Variants in ATAD2 observed in about 807,000 individuals in gnomAD.
ATAD2 encodes ATPase family AAA domain-containing protein 2.
A neutral mutation model predicts 168.9 loss-of-function variants in ATAD2; 62 were observed. The observed-to-expected ratio is 0.37, with a 90% CI of 0.30 to 0.45. The LOEUF (loss-of-function observed/expected upper bound fraction) is 0.45, where lower values mean the gene tolerates loss of function less well. Among genes scored for constraint, ATAD2 ranks in the 20% least tolerant of loss-of-function variants. The probability of loss-of-function intolerance (pLI) is 1.00; values close to 1 mark genes in which losing one functional copy is unlikely to be tolerated. For missense variants in ATAD2, 1,419 were observed against 1,667.8 expected, an observed-to-expected ratio of 0.85 and a Z score of 2.60; for synonymous variants, 613 against 571.6, an observed-to-expected ratio of 1.07 and a Z score of -1.03.
At position 123,369,292 on chromosome 8, in the gene ATAD2, C is replaced by T. The variant is rs577075318; in HGVS notation, c.932-117G>A. The T allele has an allele frequency of 3.7e-5, 10 of 272,400 alleles. No homozygotes were observed. In the East Asian group the frequency reaches 8.8e-4, roughly 24 times the overall value. 16.9% of individuals were successfully genotyped at this position (272,400 alleles called of 1,614,324 possible). A position where few individuals can be genotyped will look rare whatever the true frequency, so the allele number is the denominator to read the frequency against. On this transcript the variant is annotated intron_variant, in intron 7 of 27. Coordinates refer to ENST00000287394, the MANE Select transcript of ATAD2 (RefSeq NM_014109.4). ...ACTTACAAAGGTGCTTATCGCCTTC[C>T]ATGAAGTACTAGTAAATATCTACTA...
At chr8:123,415,036 A>G (rs1237008431) in intron 1 of ATAD2, among the ~76,000 whole-genome samples, 1 of 151,906 alleles carries the variant, frequency 6.6e-6, no homozygotes, top group African/African-American at 2.4e-5. Flanking sequence ...TTCTGTTTTG[A>G]TGTGTTTCCA....
chr8:123,360,420 C>T (rs1563849917), intron 9 of ATAD2, among the ~76,000 whole-genome samples: 1 of 151,988 alleles, frequency 6.6e-6, no homozygotes. Context: ...CGGCTCGCTG[C>T]AATCTTCGCC....
chr8:123,366,226 T>A (rs1401648782), intron 8 of ATAD2, among the ~76,000 whole-genome samples: 2 of 152,168 alleles, frequency 1.3e-5, no homozygotes, highest in African/African-American at 4.8e-5. Context: ...TGATACCACC[T>A]TACCCCCGCA....
upstream of ATAD2, chr8:123,400,599 G>C (rs138248297): frequency 2.4e-3 from 1,362 of 575,958 alleles, 18 homozygotes; most frequent in African/African-American, 0.023. This position sits in a 1 kb window ranked among gnomAD's most constrained non-coding sequence, Gnocchi z 4.5. Context: ...TGATGAGCCA[G>C]GGCACCGGCT....
chr8:123,395,765 C>A (rs1209681687), intron 1 of ATAD2, among the ~76,000 whole-genome samples: 1 of 151,980 alleles, frequency 6.6e-6, no homozygotes, highest in East Asian at 1.9e-4. Flanking sequence ...TGTGCCCCCT[C>A]CCCCCCAACG....
At position 123,369,385 on chromosome 8, in the gene ATAD2, G is replaced by T. The variant is rs192996214; in HGVS notation, c.932-210C>A. The T allele has an allele frequency of 2.2e-4, 47 of 217,256 alleles. 1 individual carries two copies. Among genetic ancestry groups the T allele is most frequent in the Admixed American group, 2.1e-3 (40 of 19,446 alleles). The allele number at this position is 217,256 out of a possible 1,614,324, so 13.5% of individuals were successfully genotyped here. A position where few individuals can be genotyped will look rare whatever the true frequency, so the allele number is the denominator to read the frequency against. On this transcript the variant is annotated intron_variant, in intron 7 of 27. Coordinates refer to ENST00000287394, the MANE Select transcript of ATAD2 (RefSeq NM_014109.4). ...AGGGTTGCAGCTGATAACATGTATA[G>T]CACAGATACCAACCAACCAAAACAC...
At position 123,396,416 on chromosome 8, in the gene ATAD2, C is replaced by A; in HGVS notation, c.-59G>T. On this transcript the variant is annotated 5_prime_UTR_variant, in exon 1 of 28. Coordinates refer to ENST00000287394, the MANE Select transcript of ATAD2 (RefSeq NM_014109.4). ...GGAGAGAGATCCAGCTCCAGGCGCTCGCAGCTCTGGCTCTTCCGCGCTCCG... is the reference window on the plus strand; with the variant it reads ...GGAGAGAGATCCAGCTCCAGGCGCTAGCAGCTCTGGCTCTTCCGCGCTCCG... 1 of 1,454,176 alleles carries A rather than the reference C, an allele frequency of 6.9e-7. No homozygotes were observed. The highest frequency in any genetic ancestry group is 1.4e-5 in the South Asian group (1 of 73,316). 90.1% of individuals were successfully genotyped at this position (1,454,176 alleles called of 1,614,324 possible).
chr8:123,389,986 T>TATATATATATATATATATATA (rs58743148), intron 1 of ATAD2, among the ~76,000 whole-genome samples: 92 of 67,538 alleles, frequency 1.4e-3, no homozygotes, highest in Middle Eastern at 8.9e-3. Context: ...ATATATATAT[T>TATATATATATATATATATATA]TTTTTTTTTT....
At chr8:123,337,921 C>T in intron 20 of ATAD2, 100 bp from the exon 21 acceptor site, 1 of 1,116,076 alleles carries the variant, frequency 9.0e-7, no homozygotes, top group Middle Eastern at 2.2e-4. Flanking sequence ...GATTATCTTC[C>T]TCATATATGC....
At chr8:123,343,350 TTAGC>T (rs1405200557) in intron 19 of ATAD2, among the ~76,000 whole-genome samples, 1 of 152,132 alleles carries the variant, frequency 6.6e-6, no homozygotes, top group Non-Finnish European at 1.5e-5. Flanking sequence ...TTGGTACCCC[TTAGC>T]TAAATCTTTC....
At chr8:123,390,060 C>A (rs539013574) in intron 1 of ATAD2, among the ~76,000 whole-genome samples, 1 of 148,446 alleles carries the variant, frequency 6.7e-6, no homozygotes, top group South Asian at 2.1e-4. Flanking sequence ...CTCACTGCAA[C>A]CTCTGCCTCC....
chr8:123,378,713 A>AAAAAAAAAAAAAAAC (rs1829399169), intron 2 of ATAD2, among the ~76,000 whole-genome samples: 1 of 151,458 alleles, frequency 6.6e-6, no homozygotes, highest in African/African-American at 2.4e-5. Flanking sequence ...AAAAAAAAAA[A>AAAAAAAAAAAAAAAC]AAAAAAAAAA....
intron 1 of ATAD2, among the ~76,000 whole-genome samples, chr8:123,408,294 GT>G (rs1221739393): frequency 6.6e-6 from 1 of 152,162 alleles, no homozygotes; most frequent in Non-Finnish European, 1.5e-5. Flanking sequence ...GCCTCCTTCT[GT>G]GGAAATCCTA....
chr8:123,344,317 G>A (rs927590669), intron 19 of ATAD2, among the ~76,000 whole-genome samples: 1 of 147,282 alleles, frequency 6.8e-6, no homozygotes, highest in Non-Finnish European at 1.5e-5. Context: ...AGAATAGTAT[G>A]TATCATATAC....
chr8:123,360,458 C>T (rs1828780714), intron 9 of ATAD2, among the ~76,000 whole-genome samples: 1 of 152,186 alleles, frequency 6.6e-6, no homozygotes, highest in Non-Finnish European at 1.5e-5. Context: ...TCTCCTGCCT[C>T]AGCCTCCTGA....
chr8:123,368,417 C>T (rs550749039), intron 8 of ATAD2, among the ~76,000 whole-genome samples: 4 of 152,126 alleles, frequency 2.6e-5, no homozygotes, highest in Non-Finnish European at 4.4e-5. Flanking sequence ...GACTCTGCTC[C>T]GCCCCCACCC....
intron 19 of ATAD2, among the ~76,000 whole-genome samples, chr8:123,340,170 A>G (rs7838103): frequency 0.13 from 19,036 of 152,144 alleles, 3,246 homozygotes; most frequent in African/African-American, 0.39. Context: ...AATTACACGC[A>G]TATGCCACCG....
At chr8:123,373,183 C>T (rs1237516789) in intron 2 of ATAD2, among the ~76,000 whole-genome samples, 2 of 151,676 alleles carry the variant, frequency 1.3e-5, no homozygotes, top group African/African-American at 4.8e-5. Context: ...TGAGGCACCA[C>T]GCCTGGCCGC....
intron 1 of ATAD2, chr8:123,401,585 A>G: frequency 1.3e-5 from 18 of 1,365,784 alleles, no homozygotes; most frequent in Non-Finnish European, 1.9e-5. Context: ...AAGTGATGGC[A>G]TGTGGTTGCC....
Sources: gnomAD v4.1 joint callset for allele counts (sites outside exome capture counted in the v4.1 genomes callset) on GRCh38, gnomAD v4.1.1 for gene constraint, Gnocchi (gnomAD v3.1) non-coding constraint, MANE v1.5 for transcripts, NCBI Gene and HGNC (gene_info 2026-07-23, HGNC 2026-07-21) for gene names.